Variants in ARHGAP6 observed in about 807,000 individuals in gnomAD.
ARHGAP6 encodes the protein rho GTPase-activating protein 6.
A neutral mutation model predicts 55.7 loss-of-function variants in ARHGAP6; 16 were observed. The observed-to-expected ratio is 0.29, with a 90% confidence interval of 0.19 to 0.44. The LOEUF is 0.44. Among genes scored for constraint, ARHGAP6 ranks in the 20% least tolerant of loss-of-function variants. The pLI, the probability that ARHGAP6 is intolerant of heterozygous loss-of-function variation, is 1.00. For synonymous variants in ARHGAP6, 382 were observed against 360.9 expected (o/e 1.06, Z -0.66); for missense variants, 698 against 808.9 (o/e 0.86, Z 1.66).
intron 1 of ARHGAP6, among the ~76,000 whole-genome samples, chrX:11,496,190 C>T (rs1463292523): frequency 1.8e-5 from 2 of 112,455 alleles, no homozygotes; most frequent in African/African-American, 6.5e-5. Context: ...TCTTAAGCCA[C>T]TAAGTTAGTG....
At chrX:11,209,342 G>A (rs1369116121) in intron 2 of ARHGAP6, among the ~76,000 whole-genome samples, 2 of 111,103 alleles carry the variant, frequency 1.8e-5, no homozygotes, top group African/African-American at 3.3e-5. Flanking sequence ...ATGGGGTTTC[G>A]CCATGTTGGC....
chrX:11,312,126 G>A (rs1569296645), intron 1 of ARHGAP6, among the ~76,000 whole-genome samples: 1 of 112,067 alleles, frequency 8.9e-6, no homozygotes, highest in Non-Finnish European at 1.9e-5. Flanking sequence ...ATATAATTCT[G>A]TTGATTTCAG....
At chrX:11,229,560 TA>T (rs760005616) in intron 2 of ARHGAP6, among the ~76,000 whole-genome samples, 1 of 112,559 alleles carries the variant, frequency 8.9e-6, no homozygotes, top group South Asian at 3.6e-4. Flanking sequence ...TGCATGCATC[TA>T]AAATCTTGTA....
intron 1 of ARHGAP6, chrX:11,427,815 A>G (rs1326293191): frequency 2.6e-4 from 50 of 193,253 alleles, no homozygotes; most frequent in Middle Eastern, 3.0e-3. Context: ...GGGAGGGGGA[A>G]GAGGAGGAGG....
intron 1 of ARHGAP6, among the ~76,000 whole-genome samples, chrX:11,351,069 C>T (rs1257088112): frequency 9.2e-6 from 1 of 109,080 alleles, no homozygotes; most frequent in African/African-American, 3.3e-5. Flanking sequence ...CACACACACA[C>T]ACACACACAC....
chrX:11,426,349 C>CA (rs1190528358), intron 1 of ARHGAP6, among the ~76,000 whole-genome samples: 1 of 104,790 alleles, frequency 9.5e-6, no homozygotes, highest in African/African-American at 3.6e-5. Flanking sequence ...CTCCTTTCTT[C>CA]AAAAAAACAA....
intron 1 of ARHGAP6, among the ~76,000 whole-genome samples, chrX:11,569,240 C>A (rs1377290539): frequency 9.0e-6 from 1 of 110,924 alleles, no homozygotes; most frequent in Non-Finnish European, 1.9e-5. Flanking sequence ...GTCAGAGATG[C>A]CACTAAATAT....
chrX:11,429,304 G>A (rs1217121080), intron 1 of ARHGAP6, among the ~76,000 whole-genome samples: 1 of 111,996 alleles, frequency 8.9e-6, no homozygotes, highest in African/African-American at 3.2e-5. Flanking sequence ...GGTAATAGGT[G>A]TCATAACAGT....
chrX:11,413,711 C>T (rs2049715296), intron 1 of ARHGAP6, among the ~76,000 whole-genome samples: 1 of 112,237 alleles, frequency 8.9e-6, no homozygotes, highest in Non-Finnish European at 1.9e-5. Context: ...TTAAGTCTCC[C>T]TTTCGCACTG....
In ARHGAP6 at chrX:11,350,314, T is replaced by C. The variant is rs182361845; in HGVS notation, c.589-95607A>G. 1.2e-4 allele frequency among the ~76,000 whole-genome samples: 13 copies of C among 112,433 alleles called. No individual in the cohort carries two copies. The East Asian group carries it at 3.3e-3, about 29-fold the overall frequency. On this transcript the variant is annotated intron_variant, in intron 1 of 12. Transcript: ENST00000337414. ...ATAGAGGCTTATTAAATTATCTGTGTTATAATTCTACATTCATAACCCTAA... is the reference window on the plus strand; with the variant it reads ...ATAGAGGCTTATTAAATTATCTGTGCTATAATTCTACATTCATAACCCTAA...
At chrX:11,621,708 G>T (rs998840793) in intron 1 of ARHGAP6, among the ~76,000 whole-genome samples, 9 of 111,055 alleles carry the variant, frequency 8.1e-5, no homozygotes. Flanking sequence ...TATGTTTAGA[G>T]ATTTTTTTTT....
At chrX:11,320,555 G>A (rs1199590844) in intron 1 of ARHGAP6, among the ~76,000 whole-genome samples, 1 of 110,796 alleles carries the variant, frequency 9.0e-6, no homozygotes, top group East Asian at 2.8e-4. Context: ...ACAATCTGGA[G>A]CCAGGAATTA....
At chrX:11,236,253 G>T (rs756154939) in intron 2 of ARHGAP6, among the ~76,000 whole-genome samples, 1 of 111,884 alleles carries the variant, frequency 8.9e-6, no homozygotes, top group Non-Finnish European at 1.9e-5. Context: ...GAATTGCAGA[G>T]CGAAGTGGGG....
chrX:11,349,279 A>G (rs1256093089), intron 1 of ARHGAP6, among the ~76,000 whole-genome samples: 1 of 111,678 alleles, frequency 9.0e-6, no homozygotes, highest in East Asian at 2.8e-4. Context: ...TTTTTGAGTA[A>G]GTCCTACCCC....
intron 1 of ARHGAP6, among the ~76,000 whole-genome samples, chrX:11,527,967 G>T (rs2051007871): frequency 8.9e-6 from 1 of 112,489 alleles, no homozygotes; most frequent in African/African-American, 3.2e-5. Context: ...GTAACTGAGT[G>T]ATTTGCTAAA....
intron 4 of ARHGAP6, among the ~76,000 whole-genome samples, chrX:11,188,077 GGA>G (rs1438917697): frequency 9.0e-6 from 1 of 111,457 alleles, no homozygotes. Context: ...TTTACAAAAG[GGA>G]GAGAAGATCT....
At chrX:11,291,024 G>A (rs962017482) in intron 1 of ARHGAP6, among the ~76,000 whole-genome samples, 2 of 111,997 alleles carry the variant, frequency 1.8e-5, no homozygotes, top group African/African-American at 3.2e-5. Context: ...ACAGCAAAAC[G>A]TACTGGGCTG....
At chrX:11,325,702 A>T (rs770886202) in intron 1 of ARHGAP6, among the ~76,000 whole-genome samples, 2 of 112,404 alleles carry the variant, frequency 1.8e-5, no homozygotes, top group Non-Finnish European at 3.8e-5. Flanking sequence ...AAAGAGAAAA[A>T]CATCCTAGAC....
chrX:11,572,731 A>G (rs2147108888), intron 1 of ARHGAP6, among the ~76,000 whole-genome samples: 1 of 111,886 alleles, frequency 8.9e-6, no homozygotes, highest in South Asian at 3.8e-4. Context: ...GTCAAATGGT[A>G]TTTCTAGTTC....
Sources: gnomAD v4.1 joint callset for allele counts (sites outside exome capture counted in the v4.1 genomes callset) on GRCh38, gnomAD v4.1.1 for gene constraint, MANE v1.5 for transcripts, NCBI Gene and HGNC (gene_info 2026-07-23, HGNC 2026-07-21) for gene names.